MIPOL1: variants seen among roughly 807,000 people sequenced by gnomAD.
The protein encoded by MIPOL1 is mirror-image polydactyly 1, also known as mirror-image polydactyly gene 1 protein.
In MIPOL1, 57 loss-of-function variants were observed where a neutral mutation model predicts 60.9. That is an observed-to-expected ratio of 0.94 (90% CI 0.76 to 1.17). The LOEUF (loss-of-function observed/expected upper bound fraction) is 1.17. Ranked by LOEUF, MIPOL1 falls within the 50% of genes most tolerant of loss-of-function variation. The pLI, the probability that MIPOL1 is intolerant of heterozygous loss-of-function variation, is 0.00. For synonymous variants in MIPOL1, 179 were observed against 168.8 expected (o/e 1.06, Z -0.47); for missense variants, 551 against 511.6 (o/e 1.08, Z -0.74).
rs555565318 is a variant in MIPOL1 at position 37,433,447 on chromosome 14, G to A, written c.1031+10498G>A. 5.9e-3 allele frequency among the ~76,000 whole-genome samples: 893 copies of A among 151,980 alleles called. 7 individuals are homozygous for A. Among genetic ancestry groups the A allele is most frequent in the African/African-American group, 0.019 (805 of 41,442 alleles). On this transcript the variant is annotated intron_variant, in intron 11 of 12. Coordinates refer to ENST00000684589, the MANE Select transcript of MIPOL1 (RefSeq NM_001388067.1). ...CATGTGTTCTCATTGTTCAACTTCC[G>A]CTTATGAGTGAGAACTTGCAGTGTT... is the stretch of plus-strand genomic sequence containing the variant.
intron 10 of MIPOL1, among the ~76,000 whole-genome samples, chr14:37,403,515 A>G (rs1168106993): frequency 2.7e-5 from 4 of 149,402 alleles, no homozygotes; most frequent in South Asian, 2.1e-4. Context: ...GCTGCAAGCA[A>G]TCCTCTCACC....
chr14:37,408,561 C>T (rs549305422), intron 10 of MIPOL1, among the ~76,000 whole-genome samples: 18 of 152,016 alleles, frequency 1.2e-4, no homozygotes, highest in East Asian at 3.9e-4. Flanking sequence ...CCCCAGTGGT[C>T]GAGGCTGCAG....
At chr14:37,279,309 A>G (rs1002846130) in intron 6 of MIPOL1, among the ~76,000 whole-genome samples, 4 of 150,964 alleles carry the variant, frequency 2.6e-5, no homozygotes, top group Non-Finnish European at 5.9e-5. Context: ...AGAAAGAAGC[A>G]TGCGTATTTG....
intron 7 of MIPOL1, among the ~76,000 whole-genome samples, chr14:37,295,937 C>T (rs2085622460): frequency 1.3e-5 from 2 of 152,108 alleles, no homozygotes; most frequent in Admixed American, 6.6e-5. Flanking sequence ...TTGAACTCAG[C>T]TCTGCACCAA....
chr14:37,297,659 T>C (rs550374057), intron 7 of MIPOL1, among the ~76,000 whole-genome samples: 241 of 151,956 alleles, frequency 1.6e-3, no homozygotes, highest in East Asian at 3.3e-3. Context: ...TATACACCAA[T>C]AACAGACAAA....
At chr14:37,480,395 G>A (rs771934277) in intron 11 of MIPOL1, among the ~76,000 whole-genome samples, 6 of 151,880 alleles carry the variant, frequency 4.0e-5, no homozygotes, top group South Asian at 2.1e-4. Flanking sequence ...ATGGTGAAAC[G>A]TATGCAAATC....
At chr14:37,390,878 G>C (rs1343575305) in intron 10 of MIPOL1, among the ~76,000 whole-genome samples, 1 of 151,974 alleles carries the variant, frequency 6.6e-6, no homozygotes, top group East Asian at 1.9e-4. Flanking sequence ...TAGTAGCCAA[G>C]ATTTCTCCAA....
intron 8 of MIPOL1, 114 bp from the exon 9 acceptor site, chr14:37,308,235 T>C: frequency 8.4e-7 from 1 of 1,191,450 alleles, no homozygotes. Flanking sequence ...ATATGAAAAT[T>C]CAATAACTTC....
At chr14:37,394,990 C>T (rs747672158) in intron 10 of MIPOL1, among the ~76,000 whole-genome samples, 13 of 152,118 alleles carry the variant, frequency 8.5e-5, no homozygotes, top group South Asian at 4.1e-4. Flanking sequence ...TGTGCCTAGC[C>T]AATTATCCCA....
intron 11 of MIPOL1, among the ~76,000 whole-genome samples, chr14:37,495,755 A>G (rs982648304): frequency 1.3e-4 from 20 of 150,386 alleles, no homozygotes; most frequent in Non-Finnish European, 2.8e-4. Context: ...CAACAGTGTA[A>G]AAGTGTTCCT....
chr14:37,409,615 G>C lies in MIPOL1; in HGVS notation c.937-13240G>C, dbSNP rs771817723. 4.1e-4 allele frequency among the ~76,000 whole-genome samples: 62 copies of C among 151,918 alleles called. 2 individuals are homozygous for C. Among genetic ancestry groups the C allele is most frequent in the Admixed American group, 3.6e-3 (55 of 15,250 alleles). ...ATTCTGGCCAACATGGTGAAACCCC[G>C]TCTCTTATAAAAATACAAAAATTAG... On this transcript the variant is annotated intron_variant, in intron 10 of 12. Coordinates refer to ENST00000684589, the MANE Select transcript of MIPOL1 (RefSeq NM_001388067.1).
At chr14:37,492,479 A>G (rs1167705678) in intron 11 of MIPOL1, among the ~76,000 whole-genome samples, 1 of 152,210 alleles carries the variant, frequency 6.6e-6, no homozygotes, top group Admixed American at 6.5e-5. Flanking sequence ...ACATTTTTGT[A>G]CAAAGTTAAT....
At chr14:37,467,807 C>A (rs1227779786) in intron 11 of MIPOL1, among the ~76,000 whole-genome samples, 1 of 151,998 alleles carries the variant, frequency 6.6e-6, no homozygotes. Flanking sequence ...ATAATCCCAG[C>A]ACTTTGGGAG....
intron 9 of MIPOL1, among the ~76,000 whole-genome samples, chr14:37,350,579 ACAAT>A (rs2091282663): frequency 6.6e-6 from 1 of 152,132 alleles, no homozygotes; most frequent in South Asian, 2.1e-4. Context: ...TGTGTTACAA[ACAAT>A]CAGTTATATT....
chr14:37,432,546 G>A (rs550587530), intron 11 of MIPOL1, among the ~76,000 whole-genome samples: 53 of 152,120 alleles, frequency 3.5e-4, no homozygotes, highest in South Asian at 6.2e-4. Context: ...TTATTTACAC[G>A]GATGTGGGTC....
chr14:37,337,240 A>G (rs1264203726), intron 9 of MIPOL1, among the ~76,000 whole-genome samples: 1 of 135,818 alleles, frequency 7.4e-6, no homozygotes, highest in African/African-American at 2.9e-5. Context: ...ACTGATAATC[A>G]CTCTCCTCAC....
At chr14:37,460,166 A>G (rs1247438495) in intron 11 of MIPOL1, among the ~76,000 whole-genome samples, 1 of 152,094 alleles carries the variant, frequency 6.6e-6, no homozygotes, top group Non-Finnish European at 1.5e-5. Flanking sequence ...TTAATACACC[A>G]CAATCAAATG....
chr14:37,358,987 A>G (rs1026823030), intron 9 of MIPOL1, among the ~76,000 whole-genome samples: 2 of 152,096 alleles, frequency 1.3e-5, no homozygotes, highest in African/African-American at 4.8e-5. Context: ...TAAGTCTTTA[A>G]TCCATCTTGA....
chr14:37,358,458 G>A (rs1018960088), intron 9 of MIPOL1, among the ~76,000 whole-genome samples: 5 of 152,200 alleles, frequency 3.3e-5, no homozygotes, highest in Admixed American at 2.6e-4. Flanking sequence ...CCCACCAAGT[G>A]TAAAAGCGTT....
Sources: gnomAD v4.1 joint callset for allele counts (sites outside exome capture counted in the v4.1 genomes callset) on GRCh38, gnomAD v4.1.1 for gene constraint, MANE v1.5 for transcripts, NCBI Gene and HGNC (gene_info 2026-07-23, HGNC 2026-07-21) for gene names.